FAM53A: variants seen among roughly 807,000 people sequenced by gnomAD.
The protein encoded by FAM53A is family with sequence similarity 53 member A, also known as protein FAM53A.
A neutral mutation model predicts 26.6 loss-of-function variants in FAM53A; 28 were observed. The observed-to-expected ratio is 1.05, with a 90% CI of 0.78 to 1.45. The LOEUF is 1.45. Ranked by LOEUF, FAM53A falls within the 40% of genes most tolerant of loss-of-function variation. The pLI, the probability that FAM53A is intolerant of heterozygous loss-of-function variation, is 0.00. For synonymous variants in FAM53A, 290 were observed against 253.1 expected (o/e 1.15, Z -1.38); for missense variants, 650 against 575.8 (o/e 1.13, Z -1.32).
chr4:1,597,548 C>T, the FAM53A span, among the ~76,000 whole-genome samples: 12 of 152,184 alleles, frequency 7.9e-5, no homozygotes, highest in Admixed American at 7.8e-4. Context: ...GCCCCTCCCT[C>T]AGAACTGACC....
chr4:1,657,140 G>C (rs1260484552), intron 3 of FAM53A, among the ~76,000 whole-genome samples: 2 of 152,158 alleles, frequency 1.3e-5, no homozygotes, highest in African/African-American at 4.8e-5. Context: ...GGGCGCAGCA[G>C]ACCCCTGGGC....
chr4:1,678,286 T>A (rs1715177494), intron 1 of FAM53A, among the ~76,000 whole-genome samples: 1 of 152,174 alleles, frequency 6.6e-6, no homozygotes, highest in African/African-American at 2.4e-5. Context: ...GAGGATGCAA[T>A]GATCCATGAT....
At chr4:1,649,429 A>C (rs948665242) in intron 4 of FAM53A, among the ~76,000 whole-genome samples, 1 of 152,208 alleles carries the variant, frequency 6.6e-6, no homozygotes, top group African/African-American at 2.4e-5. Context: ...CCTTACGGAG[A>C]AGAGCGGTTT....
At chr4:1,682,729 TATAACTAGAAAGGCCTCACTATAGA>T (rs1296744013) in intron 1 of FAM53A, among the ~76,000 whole-genome samples, 2 of 150,990 alleles carry the variant, frequency 1.3e-5, no homozygotes, top group Non-Finnish European at 2.9e-5. Context: ...CAACTACCTC[TATAACTAGAAAGGCCTCACTATAGA>T]GCAACTACCT....
the FAM53A span, among the ~76,000 whole-genome samples, chr4:1,600,398 T>A: frequency 1.3e-5 from 2 of 152,148 alleles, no homozygotes; most frequent in South Asian, 4.1e-4. Flanking sequence ...TATAGGCAGG[T>A]GGGGCCAGGG....
At chr4:1,675,715 AAGC>A (rs1714996311) in intron 1 of FAM53A, among the ~76,000 whole-genome samples, 1 of 152,180 alleles carries the variant, frequency 6.6e-6, no homozygotes, top group African/African-American at 2.4e-5. Flanking sequence ...CCTCAGCGGA[AAGC>A]AGATCACAAT....
At chr4:1,681,431 C>A (rs999104601) in intron 1 of FAM53A, among the ~76,000 whole-genome samples, 1 of 152,154 alleles carries the variant, frequency 6.6e-6, no homozygotes, top group Non-Finnish European at 1.5e-5. Context: ...GTGTGAGCCA[C>A]CACGCCCGGC....
Position 1,654,960 on chromosome 4 carries a change from G to T in FAM53A, c.882+18C>A, listed in dbSNP as rs769419073. 6.7e-7 allele frequency: 1 copy of T among 1,501,648 alleles called. No homozygotes were observed. The highest frequency in any genetic ancestry group is 8.9e-7 in the Non-Finnish European group (1 of 1,123,546). 93.0% of individuals were successfully genotyped at this position (1,501,648 alleles called of 1,614,324 possible). A position where few individuals can be genotyped will look rare whatever the true frequency, so the allele number is the denominator to read the frequency against. Reference sequence around the variant, plus strand: ...AGATCTACGCCCCTCTGAGCCCCTGGAAATAAGAAAGCCTCACCTGGGTCA... The same window carrying T: ...AGATCTACGCCCCTCTGAGCCCCTGTAAATAAGAAAGCCTCACCTGGGTCA... On this transcript the variant is annotated intron_variant, in intron 4 of 4. Transcript: ENST00000308132.
the FAM53A span, among the ~76,000 whole-genome samples, chr4:1,587,625 T>C: frequency 6.6e-6 from 1 of 152,136 alleles, no homozygotes; most frequent in Non-Finnish European, 1.5e-5. Context: ...TGAGCTGAGA[T>C]TGCGCCACTG....
At chr4:1,591,053 CTTCT>C in the FAM53A span, among the ~76,000 whole-genome samples, 2 of 125,600 alleles carry the variant, frequency 1.6e-5, no homozygotes, top group African/African-American at 5.9e-5. Context: ...CCCTAATATT[CTTCT>C]TTGTCTTTTG....
At chr4:1,653,858 G>A (rs562840481) in intron 4 of FAM53A, among the ~76,000 whole-genome samples, 8 of 152,248 alleles carry the variant, frequency 5.3e-5, no homozygotes, top group Admixed American at 2.6e-4. Context: ...GCTCTGGGCT[G>A]TGGCCAGGTC....
the FAM53A span, among the ~76,000 whole-genome samples, chr4:1,600,951 C>T: frequency 1.3e-5 from 2 of 152,222 alleles, no homozygotes; most frequent in African/African-American, 4.8e-5. Context: ...GGCGACCAGC[C>T]CTGCCCCAGG....
chr4:1,614,433 GGGAT>G (rs1714735740), downstream of FAM53A, among the ~76,000 whole-genome samples: 14 of 137,926 alleles, frequency 1.0e-4, no homozygotes, highest in African/African-American at 3.3e-4. Flanking sequence ...AGACGTGAGG[GGGAT>G]GCAGAGACAT....
intron 4 of FAM53A, 81 bp from the exon 5 acceptor site, chr4:1,641,688 C>T (rs1022038900): frequency 5.5e-6 from 8 of 1,460,152 alleles, no homozygotes; most frequent in African/African-American, 1.4e-5. Context: ...ATCGAGGGCT[C>T]GGTGTGCTGG....
chr4:1,657,970 T>C (rs952734781), intron 2 of FAM53A, among the ~76,000 whole-genome samples: 1 of 148,086 alleles, frequency 6.8e-6, no homozygotes, highest in African/African-American at 2.5e-5. Context: ...TTTTAAAAAA[T>C]TTTTTCTGTT....
intron 4 of FAM53A, among the ~76,000 whole-genome samples, chr4:1,646,362 G>C (rs529117818): frequency 6.6e-6 from 1 of 152,316 alleles, no homozygotes; most frequent in Admixed American, 6.5e-5. Flanking sequence ...GCCTCCCAAA[G>C]TGCTGGGATT....
At chr4:1,657,602 T>G in intron 2 of FAM53A, 134 bp from the exon 3 acceptor site, 9 of 778,282 alleles carry the variant, frequency 1.2e-5, no homozygotes, top group Admixed American at 2.4e-5. Context: ...TAAGCACAGT[T>G]TTATTAAAAC....
chr4:1,620,252 T>A lies in FAM53A; in HGVS notation c.432-2141A>T, dbSNP rs191825236. On this transcript the variant is annotated intron_variant, in intron 1 of 1. Transcript: ENST00000489029. ...AATTAAAAATAAATAAATAAATAAA[T>A]AAAATGTCATCTTATTTCCCATAAC... 2.8e-3 allele frequency among the ~76,000 whole-genome samples: 417 copies of A among 150,666 alleles called. 1 individual carries two copies. The highest frequency in any genetic ancestry group is 9.8e-3 in the African/African-American group (403 of 41,122).
At chr4:1,595,823 T>C in the FAM53A span, among the ~76,000 whole-genome samples, 5 of 152,224 alleles carry the variant, frequency 3.3e-5, no homozygotes, top group Non-Finnish European at 7.3e-5. Flanking sequence ...TGTGGTCTAC[T>C]GGGGCCCTTT....
Sources: gnomAD v4.1 joint callset for allele counts (sites outside exome capture counted in the v4.1 genomes callset) on GRCh38, gnomAD v4.1.1 for gene constraint, MANE v1.5 for transcripts, NCBI Gene and HGNC (gene_info 2026-07-23, HGNC 2026-07-21) for gene names.